PSMD9: variants seen among roughly 807,000 people sequenced by gnomAD.
PSMD9 encodes 26S proteasome non-ATPase regulatory subunit 9.
In PSMD9, 26 loss-of-function variants were observed where a neutral mutation model predicts 25.9. That is an observed-to-expected ratio of 1.00 (90% CI 0.73 to 1.39). The LOEUF (loss-of-function observed/expected upper bound fraction) is 1.39. Ranked by LOEUF, PSMD9 falls within the 40% of genes most tolerant of loss-of-function variation. The pLI is 0.00. For missense variants in PSMD9, 303 were observed against 299.3 expected (o/e 1.01, Z -0.09); for synonymous variants, 110 against 114.5 (o/e 0.96, Z 0.25).
chr12:121,901,001 A>G (rs2135724060), intron 3 of PSMD9, among the ~76,000 whole-genome samples: 1 of 151,288 alleles, frequency 6.6e-6, no homozygotes, highest in Admixed American at 6.6e-5. Flanking sequence ...AAAAAAAAAA[A>G]AAAAAAGGAG....
At chr12:121,890,212 C>G (rs962712301) in intron 1 of PSMD9, among the ~76,000 whole-genome samples, 2 of 152,094 alleles carry the variant, frequency 1.3e-5, no homozygotes, top group Non-Finnish European at 2.9e-5. Context: ...CCACCGCGTC[C>G]GGCCATAAGA....
In PSMD9 at chr12:121,902,444, C is replaced by T. The variant is rs183495040; in HGVS notation, c.454-562C>T. 2.7e-4 allele frequency: 41 copies of T among 153,962 alleles called. 2 individuals carry two copies. Among genetic ancestry groups the T allele is most frequent in the Middle Eastern group, 3.4e-3 (1 of 294 alleles). The allele number at this position is 153,962 out of a possible 1,614,324, so 9.5% of individuals were successfully genotyped here. A position where few individuals can be genotyped will look rare whatever the true frequency, so the allele number is the denominator to read the frequency against. On this transcript the variant is annotated intron_variant, in intron 3 of 5. Coordinates refer to ENST00000541212, the MANE Select transcript of PSMD9 (RefSeq NM_002813.7). ...ACAGAAGCTCCCTATCATTCACTAC[C>T]CCATCTACTGCATCTAACCCAGTGC... is the stretch of plus-strand genomic sequence containing the variant.
chr12:121,913,103 A>AT (rs770837761), intron 4 of PSMD9, among the ~76,000 whole-genome samples: 7 of 151,382 alleles, frequency 4.6e-5, no homozygotes, highest in South Asian at 2.1e-4. Flanking sequence ...AGCCTGGCTA[A>AT]TTTTTTTTGT....
chr12:121,903,370 G>A (rs949210249), intron 4 of PSMD9, among the ~76,000 whole-genome samples: 29 of 152,066 alleles, frequency 1.9e-4, no homozygotes, highest in African/African-American at 6.5e-4. Context: ...CAGTGGGGGC[G>A]CCACCCCTCA....
At position 121,888,834 on chromosome 12, in the gene PSMD9, G is replaced by A. The variant is rs760432809; in HGVS notation, c.-23G>A. 3.8e-6 allele frequency: 6 copies of A among 1,595,450 alleles called. No homozygotes were observed. Among genetic ancestry groups the A allele is most frequent in the Non-Finnish European group, 5.1e-6 (6 of 1,172,230 alleles). On this transcript the variant is annotated 5_prime_UTR_variant, in exon 1 of 6. Transcript: ENST00000541212. ...TCCCTAGCCCGGGAGCCGGGTCTCT[G>A]GAGTCGCGGCCCGGGGTTCACGATG... is the stretch of plus-strand genomic sequence containing the variant.
chr12:121,900,519 C>T (rs1237937171), intron 3 of PSMD9, among the ~76,000 whole-genome samples: 1 of 150,114 alleles, frequency 6.7e-6, no homozygotes, highest in Admixed American at 6.7e-5. Flanking sequence ...GGCGAAACCC[C>T]GTCTCTACTA....
At chr12:121,915,279 T>G (rs1002193242) in intron 4 of PSMD9, 1 of 151,526 alleles carries the variant, frequency 6.6e-6, no homozygotes, top group African/African-American at 2.4e-5. Context: ...GAGCCAAGAT[T>G]GTGCCACTGC....
At chr12:121,892,159 A>G (rs1025188990) in intron 1 of PSMD9, among the ~76,000 whole-genome samples, 8 of 152,306 alleles carry the variant, frequency 5.3e-5, no homozygotes, top group Admixed American at 5.2e-4. Flanking sequence ...ATAAGAGGAT[A>G]GTATCTAGAC....
intron 3 of PSMD9, among the ~76,000 whole-genome samples, chr12:121,901,663 C>CTTTTTTTTTTT (rs1376133221): frequency 1.8e-5 from 2 of 113,830 alleles, no homozygotes; most frequent in African/African-American, 8.7e-5. Context: ...CCCTTCATTC[C>CTTTTTTTTTTT]TTCTTTTTTT....
Position 121,916,290 on chromosome 12 carries a change from C to T in PSMD9, c.651C>T (p.Asn217=), listed in dbSNP as rs1265130809. 2.5e-6 allele frequency: 4 copies of T among 1,614,036 alleles called. No homozygotes were observed. Among genetic ancestry groups the T allele is most frequent in the East Asian group, 2.2e-5 (1 of 44,900 alleles). Residue 217 remains asparagine, a synonymous_variant, in exon 6 of 6, where the codon AAC becomes AAT. Coordinates refer to ENST00000541212, the MANE Select transcript of PSMD9 (RefSeq NM_002813.7). ...CTTTTCTTCTTTCTTCCAGCTGCAA[C>T]ATTATTCCTCTGCAAAGATGATTGT... is the stretch of plus-strand genomic sequence containing the variant. ...RWAGKGLLGC[N]IIPLQR
At chr12:121,905,927 C>T (rs1879541965) in intron 4 of PSMD9, among the ~76,000 whole-genome samples, 1 of 151,874 alleles carries the variant, frequency 6.6e-6, no homozygotes, top group South Asian at 2.1e-4. Context: ...CCTCAGGCTT[C>T]TTTGTAGTTA....
Position 121,912,641 on chromosome 12 carries a change from G to A in PSMD9, c.556-3215G>A, listed in dbSNP as rs565991008. On this transcript the variant is annotated intron_variant, in intron 4 of 5. Coordinates refer to ENST00000541212, the MANE Select transcript of PSMD9 (RefSeq NM_002813.7). ...AGTGCTTTGGGAGGCTGAGGCGGGC[G>A]GATCACTCGAGCTCAGGAGTTTGAG... 9.5e-4 allele frequency among the ~76,000 whole-genome samples: 144 copies of A among 152,044 alleles called. 1 individual carries two copies. The highest frequency in any genetic ancestry group is 2.2e-3 in the African/African-American group (91 of 41,530).
chr12:121,915,560 T>C (rs1438067617), intron 4 of PSMD9: 2 of 351,746 alleles, frequency 5.7e-6, no homozygotes, highest in African/African-American at 4.2e-5. Context: ...CAGGCATTTG[T>C]ATGTCTTGTA....
Position 121,888,836 on chromosome 12 carries a change from A to T in PSMD9, c.-21A>T. ...CCTAGCCCGGGAGCCGGGTCTCTGG[A>T]GTCGCGGCCCGGGGTTCACGATGTC... On this transcript the variant is annotated 5_prime_UTR_variant, in exon 1 of 6. Coordinates refer to ENST00000541212, the MANE Select transcript of PSMD9 (RefSeq NM_002813.7). 6.3e-7 allele frequency: 1 copy of T among 1,595,902 alleles called. No homozygotes were observed. Among genetic ancestry groups the T allele is most frequent in the Non-Finnish European group, 8.5e-7 (1 of 1,172,418 alleles).
At position 121,912,323 on chromosome 12, in the gene PSMD9, G is replaced by A. The variant is rs531884336; in HGVS notation, c.556-3533G>A. 2.0e-5 allele frequency among the ~76,000 whole-genome samples: 3 copies of A among 152,074 alleles called. No individual in the cohort carries two copies. The South Asian group carries it at 6.2e-4, about 31-fold the overall frequency. Reference sequence around the variant, plus strand: ...TGCTATTATAGGCGTGAGCCACCGTGCCCGGCGCTTTGTTTAGGTTTTGGA... The same window carrying A: ...TGCTATTATAGGCGTGAGCCACCGTACCCGGCGCTTTGTTTAGGTTTTGGA... On this transcript the variant is annotated intron_variant, in intron 4 of 5. Coordinates refer to ENST00000541212, the MANE Select transcript of PSMD9 (RefSeq NM_002813.7).
intron 4 of PSMD9, chr12:121,914,945 C>T (rs1010016936): frequency 7.9e-5 from 12 of 152,166 alleles, no homozygotes; most frequent in Non-Finnish European, 1.6e-4. Flanking sequence ...AGGACTAGTC[C>T]TCTCTGGAAG....
rs1277880943 is a variant in PSMD9, at chr12:121,896,980, CACAT to C, written c.241+2144_241+2147del. On this transcript the variant is annotated intron_variant, in intron 2 of 5. Transcript: ENST00000541212. ...CTACACATACATGTAAATATATACACACATACATGTGTATGTAAAATATACACAT... is the reference window on the plus strand; with the variant it reads ...CTACACATACATGTAAATATATACACACATGTGTATGTAAAATATACACAT... 5.7e-5 allele frequency among the ~76,000 whole-genome samples: 8 copies of C among 139,134 alleles called. No individual in the cohort carries two copies. The South Asian group carries it at 7.1e-4, about 12-fold the overall frequency. 91.3% of individuals were successfully genotyped at this position (139,134 alleles called of 152,430 possible). A position where few individuals can be genotyped will look rare whatever the true frequency, so the allele number is the denominator to read the frequency against.
intron 4 of PSMD9, among the ~76,000 whole-genome samples, chr12:121,907,350 G>A (rs1050240473): frequency 6.6e-6 from 1 of 151,656 alleles, no homozygotes; most frequent in Non-Finnish European, 1.5e-5. Context: ...GATTACAGGC[G>A]TGAGCCACTG....
At chr12:121,901,083 C>G (rs1879382559) in intron 3 of PSMD9, among the ~76,000 whole-genome samples, 2 of 152,020 alleles carry the variant, frequency 1.3e-5, no homozygotes, top group South Asian at 4.2e-4. Flanking sequence ...CCTTGGCCTC[C>G]CAAAATGCTG....
Sources: allele counts gnomAD v4.1 joint callset (sites outside exome capture counted in the v4.1 genomes callset), GRCh38; gene constraint gnomAD v4.1.1; transcripts MANE v1.5; gene names NCBI Gene and HGNC (gene_info 2026-07-23, HGNC 2026-07-21).